HIPK2: variants seen among roughly 807,000 people sequenced by gnomAD.
HIPK2 encodes homeodomain-interacting protein kinase 2.
Under a neutral mutation model 113.7 loss-of-function variants are expected in HIPK2, and 27 were observed. The observed-to-expected ratio is 0.24, with a 90% CI of 0.17 to 0.33. The LOEUF is 0.33. HIPK2 is among the 10% of genes least tolerant of loss of function. HIPK2 has a pLI of 1.00. For synonymous variants in HIPK2, 631 were observed against 642.2 expected, an observed-to-expected ratio of 0.98 and a Z score of 0.26; for missense variants, 1,257 against 1,588.0, an observed-to-expected ratio of 0.79 and a Z score of 3.54.
intron 13 of HIPK2, among the ~76,000 whole-genome samples, chr7:139,577,140 C>CTTT (rs966966045): frequency 1.5e-3 from 135 of 91,438 alleles, no homozygotes; most frequent in Non-Finnish European, 1.9e-3. Flanking sequence ...ACTGGGCTTC[C>CTTT]TTTTTTTTTT....
chr7:139,626,674 T>TAAA lies in HIPK2; in HGVS notation c.1545_1546insTTT (p.Arg515_Ile516insPhe). The TAAA allele has an allele frequency of 6.2e-7, 1 of 1,613,918 alleles. No homozygotes were observed. Among genetic ancestry groups the TAAA allele is most frequent in the Non-Finnish European group, 8.5e-7 (1 of 1,179,866 alleles). ...TGGTTCAGGGTTTCGATTGGAGTGA[T>TAAA]TCTCTTGTCAGCATCAATGGTCAGC... On this transcript the variant is annotated inframe_insertion, in exon 6 of 15. Coordinates refer to ENST00000406875, the MANE Select transcript of HIPK2 (RefSeq NM_022740.5).
At chr7:139,652,016 G>A (rs147829509) in intron 2 of HIPK2, among the ~76,000 whole-genome samples, 40 of 152,202 alleles carry the variant, frequency 2.6e-4, no homozygotes, top group East Asian at 7.7e-4. Context: ...AATATCTGCC[G>A]GATTCTTCCC....
At chr7:139,633,950 GA>G (rs760354667) in intron 2 of HIPK2, among the ~76,000 whole-genome samples, 29,825 of 126,108 alleles carry the variant, frequency 0.24, 4,194 homozygotes, top group African/African-American at 0.44. Flanking sequence ...GTCGCAAAAA[GA>G]AAAAAAAAAA....
chr7:139,648,473 G>A (rs376106714), intron 2 of HIPK2, among the ~76,000 whole-genome samples: 12 of 152,080 alleles, frequency 7.9e-5, no homozygotes, highest in African/African-American at 1.7e-4. Flanking sequence ...ACGACGTTGC[G>A]GCTTTCGGGT....
chr7:139,604,390 T>A, intron 9 of HIPK2, 167 bp from the exon 10 acceptor site: 1 of 463,048 alleles, frequency 2.2e-6, no homozygotes, highest in Non-Finnish European at 2.8e-6. Context: ...AGATAAACAA[T>A]GAACATACAG....
chr7:139,688,265 A>T (rs1794289820), intron 2 of HIPK2, among the ~76,000 whole-genome samples: 1 of 152,178 alleles, frequency 6.6e-6, no homozygotes, highest in South Asian at 2.1e-4. Flanking sequence ...CGAGATCAAG[A>T]GGCACTCCCT....
intron 2 of HIPK2, among the ~76,000 whole-genome samples, chr7:139,699,782 A>G (rs1794657156): frequency 6.6e-6 from 1 of 152,188 alleles, no homozygotes; most frequent in African/African-American, 2.4e-5. Flanking sequence ...AGGCTGCCCC[A>G]GGTCTGAATC....
chr7:139,589,945 T>C (rs1798961293), intron 12 of HIPK2, among the ~76,000 whole-genome samples: 1 of 152,222 alleles, frequency 6.6e-6, no homozygotes, highest in Admixed American at 6.5e-5. Context: ...AGAAGGTGAA[T>C]TCATTTGCTA....
chr7:139,693,317 G>A (rs1483577876), intron 2 of HIPK2, among the ~76,000 whole-genome samples: 1 of 152,250 alleles, frequency 6.6e-6, no homozygotes, highest in African/African-American at 2.4e-5. Flanking sequence ...GATACAAGGA[G>A]CCTTTTAACT....
chr7:139,762,690 C>G (rs1796486601), intron 1 of HIPK2, among the ~76,000 whole-genome samples: 2 of 152,214 alleles, frequency 1.3e-5, no homozygotes, highest in African/African-American at 4.8e-5. Flanking sequence ...ATACAAAAAT[C>G]TGTATGAACA....
intron 1 of HIPK2, among the ~76,000 whole-genome samples, chr7:139,717,999 C>A (rs1192958763): frequency 2.0e-5 from 3 of 152,164 alleles, no homozygotes; most frequent in Non-Finnish European, 2.9e-5. Flanking sequence ...CCGCCTCAGC[C>A]TCCCAAAGTG....
chr7:139,679,263 C>G (rs1802614181), intron 2 of HIPK2, among the ~76,000 whole-genome samples: 1 of 152,008 alleles, frequency 6.6e-6, no homozygotes, highest in Non-Finnish European at 1.5e-5. Flanking sequence ...AATGATGAAG[C>G]CTCTTTTCTA....
chr7:139,759,232 T>A (rs535540769), intron 1 of HIPK2, among the ~76,000 whole-genome samples: 1 of 152,200 alleles, frequency 6.6e-6, no homozygotes, highest in Non-Finnish European at 1.5e-5. Context: ...ATTAAAGCTA[T>A]AACAAAATAC....
chr7:139,710,392 C>CA (rs1795026881), intron 2 of HIPK2, among the ~76,000 whole-genome samples: 1 of 152,200 alleles, frequency 6.6e-6, no homozygotes, highest in Non-Finnish European at 1.5e-5. Flanking sequence ...ACCCATCTGG[C>CA]AAAATCTTTC....
At chr7:139,759,954 A>T (rs1796436137) in intron 1 of HIPK2, among the ~76,000 whole-genome samples, 1 of 151,986 alleles carries the variant, frequency 6.6e-6, no homozygotes, top group Non-Finnish European at 1.5e-5. Flanking sequence ...AGAGAGAATG[A>T]TTTAACAATT....
At chr7:139,684,897 T>C (rs1311924037) in intron 2 of HIPK2, among the ~76,000 whole-genome samples, 1 of 152,152 alleles carries the variant, frequency 6.6e-6, no homozygotes, top group African/African-American at 2.4e-5. Context: ...GTGGTCTGGA[T>C]AGAAGATCCA....
chr7:139,732,808 AT>A (rs1179234905), intron 1 of HIPK2, among the ~76,000 whole-genome samples: 2 of 128,500 alleles, frequency 1.6e-5, no homozygotes, highest in South Asian at 2.2e-4. Flanking sequence ...TATATAACAT[AT>A]TATATATATA....
intron 6 of HIPK2, 70 bp from the exon 7 acceptor site, chr7:139,620,633 G>A (rs1387639561): frequency 3.2e-6 from 5 of 1,565,466 alleles, no homozygotes; most frequent in Admixed American, 1.8e-5. Context: ...GGGATGAAGG[G>A]GAGAAAACAA....
intron 2 of HIPK2, among the ~76,000 whole-genome samples, chr7:139,668,528 G>A (rs978892595): frequency 2.8e-5 from 4 of 144,444 alleles, no homozygotes; most frequent in African/African-American, 5.1e-5. Context: ...GTGAGATCGC[G>A]CCACTGCACT....
Sources: allele counts gnomAD v4.1 joint callset (sites outside exome capture counted in the v4.1 genomes callset), GRCh38; gene constraint gnomAD v4.1.1; transcripts MANE v1.5; gene names NCBI Gene and HGNC (gene_info 2026-07-23, HGNC 2026-07-21).